Variants in PDE3B observed in about 807,000 individuals in gnomAD.
PDE3B encodes the protein cGMP-inhibited 3',5'-cyclic phosphodiesterase 3B.
Under a neutral mutation model 116.8 loss-of-function variants are expected in PDE3B, and 66 were observed. The observed-to-expected ratio is 0.56, with a 90% CI of 0.46 to 0.69. The LOEUF is 0.69. PDE3B is among the 30% of genes least tolerant of loss of function. PDE3B has a pLI of 0.00. For synonymous variants in PDE3B, 595 were observed against 533.6 expected (o/e 1.12, Z -1.59); for missense variants, 1,384 against 1,368.1 (o/e 1.01, Z -0.18).
chr11:14,718,645 A>C, intron 1 of PDE3B, among the ~76,000 whole-genome samples: 1 of 150,568 alleles, frequency 6.6e-6, no homozygotes, highest in Non-Finnish European at 1.5e-5. Flanking sequence ...CTACATGGAA[A>C]CTGAACAACC....
At chr11:14,662,642 C>A (rs1428756498) in intron 1 of PDE3B, among the ~76,000 whole-genome samples, 2 of 152,086 alleles carry the variant, frequency 1.3e-5, no homozygotes, top group African/African-American at 2.4e-5. Context: ...AGCCAAGGCT[C>A]GAGAACTACG....
In PDE3B at chr11:14,815,938, TACACACAC is replaced by T. The variant is rs35596025; in HGVS notation, c.1523-2220_1523-2213del. On this transcript the variant is annotated intron_variant, in intron 5 of 15. Transcript: ENST00000282096. ...CAAAAGATAAAGAACATTATATTTA[TACACACAC>T]ACACACACACACACACACACACACG... is the stretch of plus-strand genomic sequence containing the variant. Among the ~76,000 whole-genome samples, 10 of 146,124 alleles carry T rather than the reference TACACACAC, an allele frequency of 6.8e-5. No homozygotes were observed. In the South Asian group the frequency reaches 8.9e-4, roughly 13 times the overall value.
rs1340262310 is a variant in PDE3B at position 14,804,002 on chromosome 11, A to C, written c.1474A>C (p.Arg492=). 2 of 1,611,940 alleles carry C rather than the reference A, an allele frequency of 1.2e-6. No homozygotes were observed. Among genetic ancestry groups the C allele is most frequent in the Non-Finnish European group, 1.7e-6 (2 of 1,178,082 alleles). ...AAATCTACTGACTATCCCGAAGCAA[A>C]GGTCATCTTCTGTATCACTGACTCA... is the stretch of plus-strand genomic sequence containing the variant. The part of the protein sequence containing the change: ...NSNLLTIPKQ[R]SSSVSLTHHV... Residue 492 remains arginine, a synonymous_variant, in exon 5 of 16, where the codon AGG becomes CGG. Transcript: ENST00000282096.
intron 1 of PDE3B, among the ~76,000 whole-genome samples, chr11:14,664,508 A>G (rs1001985319): frequency 4.7e-5 from 7 of 148,196 alleles, no homozygotes; most frequent in African/African-American, 1.7e-4. Context: ...AAGAAAATTG[A>G]TAGACCGCTA....
chr11:14,674,226 T>C lies in PDE3B; in HGVS notation c.978+29173T>C, dbSNP rs963542871. 1.1e-5 allele frequency: 13 copies of C among 1,229,074 alleles called. No individual in the cohort carries two copies. In the African/African-American group the frequency reaches 1.8e-4, roughly 17 times the overall value. 76.1% of individuals were successfully genotyped at this position (1,229,074 alleles called of 1,614,324 possible). Reference sequence around the variant, plus strand: ...CAGGGGTTTTCTGTTTGTTCTTTTTTGTTTTCACTTCAACATTTTTCTGTT... The same window carrying C: ...CAGGGGTTTTCTGTTTGTTCTTTTTCGTTTTCACTTCAACATTTTTCTGTT... On this transcript the variant is annotated intron_variant, in intron 1 of 15. Transcript: ENST00000282096.
chr11:14,716,443 C>T (rs1207905549), intron 1 of PDE3B, among the ~76,000 whole-genome samples: 3 of 151,146 alleles, frequency 2.0e-5, no homozygotes, highest in Non-Finnish European at 4.4e-5. Flanking sequence ...CTGCCTGCCT[C>T]TGTAGGCTCC....
At chr11:14,774,693 G>A (rs761507631) in intron 2 of PDE3B, 2 of 152,180 alleles carry the variant, frequency 1.3e-5, no homozygotes, top group Non-Finnish European at 2.9e-5. Flanking sequence ...TTTAAGTTCA[G>A]CTTTTAAAAT....
chr11:14,670,699 C>T (rs561230429), intron 1 of PDE3B, among the ~76,000 whole-genome samples: 1 of 152,100 alleles, frequency 6.6e-6, no homozygotes, highest in South Asian at 2.1e-4. Flanking sequence ...ATCTTCCAAC[C>T]ATAATAGTCT....
chr11:14,879,163 G>T, the PDE3B span: 1 of 1,613,184 alleles, frequency 6.2e-7, no homozygotes, highest in Non-Finnish European at 8.5e-7. Context: ...ATCCACTGCT[G>T]TCCAGAAATC....
chr11:14,685,446 CTTTT>C lies in PDE3B; in HGVS notation c.978+40417_978+40420del, dbSNP rs71044017. On this transcript the variant is annotated intron_variant, in intron 1 of 15. Coordinates refer to ENST00000282096, the MANE Select transcript of PDE3B (RefSeq NM_000922.4). Reference sequence around the variant, plus strand: ...ATCACTAAGGGAACATTTTTCTCATCTTTTTTTTTTTTTTTTTTTTTTTTTTTAA... The same window carrying C: ...ATCACTAAGGGAACATTTTTCTCATCTTTTTTTTTTTTTTTTTTTTTTTAA... Among the ~76,000 whole-genome samples the C allele has an allele frequency of 5.8e-5, 5 of 86,310 alleles. No homozygotes were observed. In the East Asian group the frequency reaches 1.1e-3, roughly 19 times the overall value. 56.6% of individuals were successfully genotyped at this position (86,310 alleles called of 152,430 possible).
chr11:14,783,434 A>G (rs1858091838), intron 2 of PDE3B, among the ~76,000 whole-genome samples: 1 of 152,220 alleles, frequency 6.6e-6, no homozygotes, highest in Non-Finnish European at 1.5e-5. Context: ...CAGCCATAAA[A>G]ATGGATGAGT....
chr11:14,893,475 A>G, the PDE3B span, among the ~76,000 whole-genome samples: 1 of 152,164 alleles, frequency 6.6e-6, no homozygotes, highest in Non-Finnish European at 1.5e-5. Flanking sequence ...ATTTTCTTAC[A>G]ATTCTTGAGG....
intron 7 of PDE3B, among the ~76,000 whole-genome samples, chr11:14,824,986 A>T (rs1169187686): frequency 1.5e-5 from 2 of 134,844 alleles, no homozygotes; most frequent in Admixed American, 7.1e-5. Flanking sequence ...CAACATTCTT[A>T]AAAAAAAAAA....
chr11:14,888,268 G>T, the PDE3B span, among the ~76,000 whole-genome samples: 1 of 152,122 alleles, frequency 6.6e-6, no homozygotes, highest in Non-Finnish European at 1.5e-5. Context: ...ATAAGGGCAG[G>T]AATCTGTTTT....
chr11:14,751,262 GC>G (rs1381699511), intron 1 of PDE3B, among the ~76,000 whole-genome samples: 2 of 152,092 alleles, frequency 1.3e-5, no homozygotes, highest in African/African-American at 4.8e-5. Context: ...TGTTGCACTT[GC>G]TAAGTCTTTC....
chr11:14,851,195 G>A (rs1463772616), intron 12 of PDE3B, among the ~76,000 whole-genome samples: 1 of 151,918 alleles, frequency 6.6e-6, no homozygotes, highest in African/African-American at 2.4e-5. Context: ...AGCTGGGTTT[G>A]TTTATGCTGG....
At chr11:14,657,495 A>T (rs1853747853) in intron 1 of PDE3B, among the ~76,000 whole-genome samples, 1 of 152,226 alleles carries the variant, frequency 6.6e-6, no homozygotes, top group South Asian at 2.1e-4. Flanking sequence ...ATAAATATGG[A>T]TAGGAATTTT....
At chr11:14,889,694 A>G in the PDE3B span, among the ~76,000 whole-genome samples, 1 of 152,240 alleles carries the variant, frequency 6.6e-6, no homozygotes, top group Non-Finnish European at 1.5e-5. Context: ...AGAAATATTC[A>G]TAGTAATACC....
At chr11:14,715,884 G>A (rs1302339137) in intron 1 of PDE3B, among the ~76,000 whole-genome samples, 1 of 152,126 alleles carries the variant, frequency 6.6e-6, no homozygotes, top group South Asian at 2.1e-4. Flanking sequence ...ATGATAGACT[G>A]GATTAAGAAA....
Sources: gnomAD v4.1 joint callset for allele counts (sites outside exome capture counted in the v4.1 genomes callset) on GRCh38, gnomAD v4.1.1 for gene constraint, MANE v1.5 for transcripts, NCBI Gene and HGNC (gene_info 2026-07-23, HGNC 2026-07-21) for gene names.